The following CORO7 variants were observed in gnomAD, a reference collection of about 807,000 sequenced individuals.
CORO7 encodes the protein coronin 7.
CORO7 carries 107 observed loss-of-function variants against 126.6 expected under a neutral mutation model. The ratio of observed to expected loss-of-function variants is 0.85; its 90% CI spans 0.72 to 0.99. The LOEUF is 0.99. Among genes scored for constraint, CORO7 ranks in the 50% least tolerant of loss-of-function variants. CORO7 has a pLI of 0.00. For synonymous variants in CORO7, 603 were observed against 536.8 expected (o/e 1.12, Z -1.70); for missense variants, 1,314 against 1,255.8 (o/e 1.05, Z -0.70).
At chr16:4,406,348 T>C (rs987575983) in intron 5 of CORO7, among the ~76,000 whole-genome samples, 1 of 152,128 alleles carries the variant, frequency 6.6e-6, no homozygotes, top group Non-Finnish European at 1.5e-5. Flanking sequence ...CAGGCTGGAA[T>C]GCAGTGGTGT....
intron 19 of CORO7, 40 bp downstream of exon 19, chr16:4,360,903 C>A: frequency 6.3e-7 from 1 of 1,590,716 alleles, no homozygotes; most frequent in South Asian, 1.1e-5. Context: ...GCTGGCCCCG[C>A]CTCTCCACAC....
At chr16:4,372,953 T>C (rs2054587745) in intron 9 of CORO7, among the ~76,000 whole-genome samples, 1 of 152,136 alleles carries the variant, frequency 6.6e-6, no homozygotes, top group South Asian at 2.1e-4. Flanking sequence ...GCTGAGAGCC[T>C]CCAGGGCTGG....
At chr16:4,356,902 G>T in intron 26 of CORO7, 2 of 533,008 alleles carry the variant, frequency 3.8e-6, no homozygotes, top group African/African-American at 1.9e-5. Flanking sequence ...TATACTCCAA[G>T]GTCCCAAAAG....
chr16:4,379,116 G>A (rs1305180972), intron 9 of CORO7, among the ~76,000 whole-genome samples: 2 of 152,058 alleles, frequency 1.3e-5, no homozygotes, highest in Non-Finnish European at 2.9e-5. Context: ...CCCTATGGAC[G>A]GGTCCCCCCA....
At position 4,400,145 on chromosome 16, in the gene CORO7, C is replaced by T. The variant is rs373684238; in HGVS notation, c.565-4806G>A. Among the ~76,000 whole-genome samples the T allele has an allele frequency of 8.0e-4, 122 of 152,292 alleles. 4 individuals carry two copies. The South Asian group carries it at 0.022, about 27-fold the overall frequency. On this transcript the variant is annotated intron_variant, in intron 6 of 27. Transcript: ENST00000251166. ...GTTACATTATGTCATGCATTTATCACAACCCATAGAACATACAACACAGAC... is the reference window on the plus strand; with the variant it reads ...GTTACATTATGTCATGCATTTATCATAACCCATAGAACATACAACACAGAC...
chr16:4,361,936 G>A (rs1228133131), intron 16 of CORO7, 49 bp downstream of exon 16: 2 of 1,562,188 alleles, frequency 1.3e-6, no homozygotes, highest in Non-Finnish European at 1.7e-6. Flanking sequence ...CCGCGTCTTT[G>A]CCACAGGCAG....
intron 9 of CORO7, among the ~76,000 whole-genome samples, chr16:4,375,079 T>C (rs928543302): frequency 6.6e-6 from 1 of 152,030 alleles, no homozygotes; most frequent in African/African-American, 2.4e-5. Flanking sequence ...GGGCCACAGG[T>C]GTCCTCCCTG....
rs79794033 is a variant in CORO7 at position 4,403,096 on chromosome 16, T to C, written c.564+2395A>G. Reference sequence around the variant, plus strand: ...CATCCCCATCAGGCAGCCCGTGGCATGAGCAGCTCCAGTGCATAAACCCAG... The same window carrying C: ...CATCCCCATCAGGCAGCCCGTGGCACGAGCAGCTCCAGTGCATAAACCCAG... On this transcript the variant is annotated intron_variant, in intron 6 of 27. Coordinates refer to ENST00000251166, the MANE Select transcript of CORO7 (RefSeq NM_024535.5). Among the ~76,000 whole-genome samples, 1,302 of 151,872 alleles carry C rather than the reference T, an allele frequency of 8.6e-3. 11 individuals are homozygous for C. Among genetic ancestry groups the C allele is most frequent in the Middle Eastern group, 0.031 (9 of 294 alleles).
intron 9 of CORO7, among the ~76,000 whole-genome samples, chr16:4,378,098 G>C (rs2054813839): frequency 6.6e-6 from 1 of 152,152 alleles, no homozygotes; most frequent in African/African-American, 2.4e-5. Context: ...GCACCCCCCA[G>C]CACGTGCCCC....
intron 2 of CORO7, chr16:4,412,653 G>A (rs560761613): frequency 7.3e-6 from 4 of 550,598 alleles, no homozygotes; most frequent in South Asian, 4.9e-5. Flanking sequence ...GACATTAGGC[G>A]AGAGGTCCTC....
chr16:4,388,266 G>A (rs1383072261), intron 8 of CORO7, among the ~76,000 whole-genome samples, 198 bp from the exon 9 acceptor site: 1 of 152,174 alleles, frequency 6.6e-6, no homozygotes, highest in Non-Finnish European at 1.5e-5. Flanking sequence ...GAACCCTTAG[G>A]TGACAAAGGA....
At chr16:4,381,169 C>T (rs756972208) in intron 9 of CORO7, 1 of 1,611,686 alleles carries the variant, frequency 6.2e-7, no homozygotes, top group Non-Finnish European at 8.5e-7. Flanking sequence ...GGTCTTCCAG[C>T]CACTCGCCAA....
intron 3 of CORO7, among the ~76,000 whole-genome samples, chr16:4,410,022 C>T (rs1001691808): frequency 6.6e-6 from 1 of 152,208 alleles, no homozygotes; most frequent in Admixed American, 6.5e-5. Context: ...GACTTGCCTA[C>T]AGGACCCTGG....
chr16:4,360,738 A>C (rs1217738973), intron 19 of CORO7, among the ~76,000 whole-genome samples, 190 bp from the exon 20 acceptor site: 16 of 35,552 alleles, frequency 4.5e-4, no homozygotes, highest in Admixed American at 1.6e-3. Flanking sequence ...CTTCTCCTCA[A>C]TGCTAGCCCG....
intron 7 of CORO7, among the ~76,000 whole-genome samples, chr16:4,389,310 G>C (rs963320768): frequency 3.9e-5 from 6 of 152,156 alleles, no homozygotes; most frequent in African/African-American, 1.4e-4. Context: ...TGGTGGGTGG[G>C]GCCCTGTCCT....
chr16:4,357,932 T>C (rs746917422), intron 25 of CORO7, 36 bp downstream of exon 25: 2 of 1,574,868 alleles, frequency 1.3e-6, no homozygotes, highest in Admixed American at 1.8e-5. Context: ...CCAACCCCCA[T>C]CCCGCTTCCT....
At chr16:4,367,234 C>A (rs2054376002) in intron 9 of CORO7, among the ~76,000 whole-genome samples, 2 of 152,190 alleles carry the variant, frequency 1.3e-5, no homozygotes, top group African/African-American at 2.4e-5. Context: ...TGCATCCCGG[C>A]CTGACCACTG....
Position 4,359,298 on chromosome 16 carries a change from T to G in CORO7, c.2338A>C (p.Lys780Gln). The change falls in exon 23 of 28, where the codon AAG becomes CAG. Residue 780 changes from lysine (K) to glutamine (Q), a missense_variant and splice_region_variant. By Grantham distance (53) the Lys-to-Gln change is moderately conservative. Coordinates refer to ENST00000251166, the MANE Select transcript of CORO7 (RefSeq NM_024535.5). The stretch of plus-strand genomic sequence containing the variant: ...ACGAGGCGCCAGGGTGGCCTCACCT[T>G]GTGGGGGTCAGGCGACGTGAAGCTG... ...CNSFTSPDPH[K>Q]GLVLLPKTEC... 1 of 1,603,854 alleles carries G rather than the reference T, an allele frequency of 6.2e-7. No homozygotes were observed. The highest frequency in any genetic ancestry group is 1.1e-5 in the South Asian group (1 of 89,162).
chr16:4,362,293 C>T lies in CORO7; in HGVS notation c.1403-133G>A. ...GCATGGACCTAGGCCCAGGCCTTTG[C>T]TAATCCAGTGGATGCAACTCGCCCA... On this transcript the variant is annotated intron_variant, in intron 15 of 27. Coordinates refer to ENST00000251166, the MANE Select transcript of CORO7 (RefSeq NM_024535.5). This position sits in a 1 kb window ranked among gnomAD's most constrained non-coding sequence, Gnocchi z 5.3. The T allele has an allele frequency of 1.5e-6, 2 of 1,302,110 alleles. No individual in the cohort carries two copies. Among genetic ancestry groups the T allele is most frequent in the Non-Finnish European group, 2.1e-6 (2 of 967,884 alleles). 80.7% of individuals were successfully genotyped at this position (1,302,110 alleles called of 1,614,324 possible). A position where few individuals can be genotyped will look rare whatever the true frequency, so the allele number is the denominator to read the frequency against.
Sources: gnomAD v4.1 joint callset for allele counts (sites outside exome capture counted in the v4.1 genomes callset) on GRCh38, gnomAD v4.1.1 for gene constraint, Gnocchi (gnomAD v3.1) non-coding constraint, MANE v1.5 for transcripts, NCBI Gene and HGNC (gene_info 2026-07-23, HGNC 2026-07-21) for gene names.